The following BMP5 variants were observed in gnomAD, a reference collection of about 807,000 sequenced individuals.
BMP5 encodes the protein bone morphogenetic protein 5.
BMP5 carries 23 observed loss-of-function variants against 46.6 expected under a neutral mutation model. The observed-to-expected ratio is 0.49, with a 90% CI of 0.35 to 0.70. The LOEUF is 0.70. Among genes scored for constraint, BMP5 ranks in the 30% least tolerant of loss-of-function variants. The pLI, the probability that BMP5 is intolerant of heterozygous loss-of-function variation, is 0.00. For synonymous variants in BMP5, 204 were observed against 191.9 expected (o/e 1.06, Z -0.52); for missense variants, 545 against 565.6 (o/e 0.96, Z 0.37).
chr6:55,772,264 C>T (rs1010639167), intron 4 of BMP5, among the ~76,000 whole-genome samples: 5 of 151,790 alleles, frequency 3.3e-5, no homozygotes, highest in African/African-American at 9.7e-5. Context: ...TGCTTATAGA[C>T]GTACATTTGT....
chr6:55,784,278 G>T (rs566895154), intron 3 of BMP5, among the ~76,000 whole-genome samples: 1 of 151,834 alleles, frequency 6.6e-6, no homozygotes, highest in South Asian at 2.1e-4. Flanking sequence ...TTTTTAAAAT[G>T]TTTACTGCTA....
intron 1 of BMP5, among the ~76,000 whole-genome samples, chr6:55,837,106 C>T (rs997530972): frequency 1.3e-5 from 2 of 150,294 alleles, no homozygotes; most frequent in Non-Finnish European, 2.9e-5. Flanking sequence ...GGCTGGAGTG[C>T]AGTGGCGCGA....
intron 6 of BMP5, among the ~76,000 whole-genome samples, chr6:55,756,521 T>A (rs1287992890): frequency 6.6e-6 from 1 of 151,948 alleles, no homozygotes; most frequent in Non-Finnish European, 1.5e-5. Flanking sequence ...CAGAACACAG[T>A]TCCCCCATTT....
At position 55,874,732 on chromosome 6, in the gene BMP5, T is replaced by C; in HGVS notation, c.134A>G (p.Asn45Ser). 6.2e-7 allele frequency: 1 copy of C among 1,613,608 alleles called. No homozygotes were observed. Among genetic ancestry groups the C allele is most frequent in the Non-Finnish European group, 8.5e-7 (1 of 1,179,686 alleles). Residue 45 changes from asparagine to serine, a missense_variant, in exon 1 of 7, where the codon AAC (asparagine) becomes AGC (serine). Physicochemically the swap from Asn to Ser is conservative, Grantham distance 46. Coordinates refer to ENST00000370830, the MANE Select transcript of BMP5 (RefSeq NM_021073.4). ...HSSFIYRRLR[N>S]HERREIQREI... ...CCTTTGTATTTCCCGTCTTTCGTGG[T>C]TCCGTAGTCTTCTATAAATAAAACT... is the stretch of plus-strand genomic sequence containing the variant.
At chr6:55,773,033 G>A in intron 4 of BMP5, 2 of 532,318 alleles carry the variant, frequency 3.8e-6, no homozygotes, top group South Asian at 8.1e-5. Context: ...TGAGAAAAAT[G>A]AAGATTTTAG....
At chr6:55,872,140 G>A (rs1422957653) in intron 1 of BMP5, among the ~76,000 whole-genome samples, 1 of 151,698 alleles carries the variant, frequency 6.6e-6, no homozygotes, top group Non-Finnish European at 1.5e-5. Context: ...ACTAAGCAGT[G>A]ATCAACTATA....
chr6:55,755,018 C>T lies in BMP5; in HGVS notation c.*515G>A, dbSNP rs1202243605. 1 of 152,494 alleles carries T rather than the reference C, an allele frequency of 6.6e-6. No individual in the cohort carries two copies. The allele number at this position is 152,494 out of a possible 1,614,324, so 9.4% of individuals were successfully genotyped here. A position where few individuals can be genotyped will look rare whatever the true frequency, so the allele number is the denominator to read the frequency against. ...TTTATTCAAATCCAGTTCAACATTT[C>T]ACTTTATCTAATGAAGCAGGAACTC... On this transcript the variant is annotated 3_prime_UTR_variant, in exon 7 of 7. Coordinates refer to ENST00000370830, the MANE Select transcript of BMP5 (RefSeq NM_021073.4).
intron 1 of BMP5, among the ~76,000 whole-genome samples, chr6:55,873,087 G>T (rs1055098830): frequency 1.3e-5 from 2 of 151,730 alleles, no homozygotes; most frequent in African/African-American, 4.8e-5. Context: ...TAAAACGTAC[G>T]ATTTATTAAG....
chr6:55,811,594 A>G (rs1776135401), intron 2 of BMP5, among the ~76,000 whole-genome samples: 1 of 151,968 alleles, frequency 6.6e-6, no homozygotes, highest in South Asian at 2.1e-4. Flanking sequence ...ATACACTTAA[A>G]CATTTTAGTG....
chr6:55,795,435 A>T (rs1267105069), intron 2 of BMP5, among the ~76,000 whole-genome samples: 1 of 152,100 alleles, frequency 6.6e-6, no homozygotes, highest in African/African-American at 2.4e-5. Flanking sequence ...AGAGCTATTC[A>T]TTGTTTAATA....
In BMP5 at chr6:55,874,838, C is replaced by A. The variant is rs752470107; in HGVS notation, c.28G>T (p.Gly10Cys). 5 of 1,613,118 alleles carry A rather than the reference C, an allele frequency of 3.1e-6. No individual in the cohort carries two copies. Among genetic ancestry groups the A allele is most frequent in the Non-Finnish European group, 4.2e-6 (5 of 1,179,516 alleles). MHLTVFLLK[G>C]IVGFLWSCWV... ...CAGCTCCAGAGGAAACCCACAATAC[C>A]CTTAAGTAAAAATACAGTCAGATGC... The change falls in exon 1 of 7, where the codon GGT becomes TGT. Residue 10 changes from glycine (G) to cysteine (C), a missense_variant. Physicochemically the swap from Gly to Cys is radical, Grantham distance 159 (BLOSUM62 -3). Coordinates refer to ENST00000370830, the MANE Select transcript of BMP5 (RefSeq NM_021073.4).
chr6:55,812,760 T>G (rs1287222754), intron 2 of BMP5, among the ~76,000 whole-genome samples: 1 of 152,214 alleles, frequency 6.6e-6, no homozygotes, highest in Non-Finnish European at 1.5e-5. Context: ...TTTTTCTACT[T>G]CCACTTTAGT....
chr6:55,814,687 G>C (rs1212945473), intron 2 of BMP5, among the ~76,000 whole-genome samples: 2 of 152,176 alleles, frequency 1.3e-5, no homozygotes, highest in Non-Finnish European at 2.9e-5. Context: ...AGTACAGAAA[G>C]TGAATCCTGC....
chr6:55,829,488 G>T (rs935831649), intron 1 of BMP5, among the ~76,000 whole-genome samples: 23 of 151,008 alleles, frequency 1.5e-4, no homozygotes, highest in African/African-American at 4.4e-4. Context: ...ATTAATATTA[G>T]TTCTAATAGT....
intron 1 of BMP5, among the ~76,000 whole-genome samples, chr6:55,822,716 T>C (rs1776438485): frequency 6.6e-6 from 1 of 152,158 alleles, no homozygotes; most frequent in Non-Finnish European, 1.5e-5. Context: ...TAATCTACCG[T>C]TCTGGAATCC....
At position 55,874,486 on chromosome 6, in the gene BMP5, ATGC is replaced by A; in HGVS notation, c.377_379del (p.Arg126_Ile127delinsLeu). On this transcript the variant is annotated inframe_deletion, in exon 1 of 7. Coordinates refer to ENST00000370830, the MANE Select transcript of BMP5 (RefSeq NM_021073.4). ...CAGAGGAGTCGTCCGAGATAACTGTATGCGACGAGGATACCCATTGGGAGAGGC... is the reference window on the plus strand; with the variant it reads ...CAGAGGAGTCGTCCGAGATAACTGTAGACGAGGATACCCATTGGGAGAGGC... The A allele has an allele frequency of 6.2e-7, 1 of 1,613,426 alleles. No homozygotes were observed. The highest frequency in any genetic ancestry group is 8.5e-7 in the Non-Finnish European group (1 of 1,179,614).
At chr6:55,851,036 T>A (rs1340093880) in intron 1 of BMP5, among the ~76,000 whole-genome samples, 3 of 152,136 alleles carry the variant, frequency 2.0e-5, no homozygotes, top group Non-Finnish European at 2.9e-5. Flanking sequence ...TTAAAAGCAG[T>A]TTTGTGTATC....
intron 4 of BMP5, among the ~76,000 whole-genome samples, chr6:55,770,357 C>T (rs1385649980): frequency 6.6e-6 from 1 of 151,868 alleles, no homozygotes; most frequent in Non-Finnish European, 1.5e-5. Flanking sequence ...ACGTCATGAA[C>T]CAATATCTGC....
chr6:55,863,060 G>A (rs527887612), intron 1 of BMP5, among the ~76,000 whole-genome samples: 1 of 152,234 alleles, frequency 6.6e-6, no homozygotes, highest in East Asian at 1.9e-4. Context: ...GATTTTGGCA[G>A]TAAAACAGGC....
Sources: allele counts gnomAD v4.1 joint callset (sites outside exome capture counted in the v4.1 genomes callset), GRCh38; gene constraint gnomAD v4.1.1; transcripts MANE v1.5; gene names NCBI Gene and HGNC (gene_info 2026-07-23, HGNC 2026-07-21).